The following CCNY variants were observed in gnomAD, a reference collection of about 807,000 sequenced individuals.
CCNY encodes cyclin-Y.
A neutral mutation model predicts 42.8 loss-of-function variants in CCNY; 19 were observed. The observed-to-expected ratio is 0.44, with a 90% CI of 0.31 to 0.65. The LOEUF (loss-of-function observed/expected upper bound fraction) is 0.65, where lower values mean the gene tolerates loss of function less well. CCNY is among the 30% of genes least tolerant of loss of function. The pLI is 0.07. For synonymous variants in CCNY, 165 were observed against 162.7 expected (o/e 1.01, Z -0.11); for missense variants, 370 against 437.3 (o/e 0.85, Z 1.37).
intron 1 of CCNY, among the ~76,000 whole-genome samples, chr10:35,412,532 T>C (rs1837929980): frequency 6.6e-6 from 1 of 151,876 alleles, no homozygotes; most frequent in Admixed American, 6.6e-5. Context: ...AGGGGGGACA[T>C]CCAGCCTAGC....
At position 35,282,173 on chromosome 10, in the gene CCNY, A is replaced by G. The variant is rs150849642; in HGVS notation, c.-9+31547A>G. Reference sequence around the variant, plus strand: ...GCTCACTCTGTCACCCAGGCTGGGAATGCAGTGGTGCAATCATAACTCACT... The same window carrying G: ...GCTCACTCTGTCACCCAGGCTGGGAGTGCAGTGGTGCAATCATAACTCACT... On this transcript the variant is annotated intron_variant, in intron 3 of 11. Coordinates refer to the CCNY transcript ENST00000374706. Among the ~76,000 whole-genome samples the G allele has an allele frequency of 8.2e-3, 1,144 of 140,052 alleles. 21 individuals are homozygous for G. Among genetic ancestry groups the G allele is most frequent in the African/African-American group, 0.03 (1,093 of 35,876 alleles). 91.9% of individuals were successfully genotyped at this position (140,052 alleles called of 152,430 possible). A position where few individuals can be genotyped will look rare whatever the true frequency, so the allele number is the denominator to read the frequency against.
chr10:35,402,389 C>T (rs1837663420), intron 1 of CCNY, among the ~76,000 whole-genome samples: 1 of 152,098 alleles, frequency 6.6e-6, no homozygotes, highest in South Asian at 2.1e-4. Context: ...AGAAAGTGTC[C>T]AAAGGGGTTC....
At chr10:35,475,431 G>C (rs1839485943) in intron 1 of CCNY, among the ~76,000 whole-genome samples, 1 of 151,460 alleles carries the variant, frequency 6.6e-6, no homozygotes, top group South Asian at 2.1e-4. Context: ...CAGACTAACA[G>C]CGGATCTCTC....
intron 1 of CCNY, among the ~76,000 whole-genome samples, chr10:35,476,992 G>C (rs1839527213): frequency 6.6e-6 from 1 of 152,150 alleles, no homozygotes; most frequent in Admixed American, 6.5e-5. Context: ...ACTACCATCA[G>C]AGAATACTAC....
chr10:35,457,623 C>T (rs1313052670), intron 1 of CCNY, among the ~76,000 whole-genome samples: 1 of 151,980 alleles, frequency 6.6e-6, no homozygotes, highest in African/African-American at 2.4e-5. Context: ...CTCTGTCGCC[C>T]AAGCTGGAGT....
intron 1 of CCNY, among the ~76,000 whole-genome samples, chr10:35,478,661 T>C (rs2135358598): frequency 6.6e-6 from 1 of 152,288 alleles, no homozygotes; most frequent in Admixed American, 6.5e-5. Flanking sequence ...AAGACTTAAA[T>C]GTGAGATCTA....
At chr10:35,381,623 T>C (rs545456380) in intron 1 of CCNY, among the ~76,000 whole-genome samples, 1 of 152,016 alleles carries the variant, frequency 6.6e-6, no homozygotes, top group Admixed American at 6.5e-5. Context: ...CTGACACTCC[T>C]GGTGTCAGAT....
intron 1 of CCNY, among the ~76,000 whole-genome samples, chr10:35,471,834 T>G (rs1839398069): frequency 6.6e-6 from 1 of 152,222 alleles, no homozygotes; most frequent in South Asian, 2.1e-4. Flanking sequence ...CTCAGGGGAT[T>G]CCATGACATT....
chr10:35,534,405 G>A (rs1193077793), intron 7 of CCNY, among the ~76,000 whole-genome samples: 2 of 152,160 alleles, frequency 1.3e-5, no homozygotes, highest in African/African-American at 2.4e-5. Context: ...AGCATTCCGT[G>A]TGAGGTTAGT....
At chr10:35,427,561 T>G (rs1838297170) in intron 1 of CCNY, among the ~76,000 whole-genome samples, 1 of 152,256 alleles carries the variant, frequency 6.6e-6, no homozygotes, top group African/African-American at 2.4e-5. Context: ...GACACCTAAG[T>G]GCTCCATAAA....
chr10:35,471,101 T>G (rs1339230218), intron 1 of CCNY, among the ~76,000 whole-genome samples: 1 of 152,154 alleles, frequency 6.6e-6, no homozygotes, highest in East Asian at 1.9e-4. Context: ...ATCTTGAAGT[T>G]CCAGAACCTA....
chr10:35,508,950 G>T (rs1840267529), intron 3 of CCNY, among the ~76,000 whole-genome samples: 1 of 152,052 alleles, frequency 6.6e-6, no homozygotes, highest in Non-Finnish European at 1.5e-5. Context: ...TTGTAGATTT[G>T]TCTATTTTGG....
Position 35,290,281 on chromosome 10 carries a change from G to A in CCNY, c.-9+39655G>A, listed in dbSNP as rs372011290. Among the ~76,000 whole-genome samples the A allele has an allele frequency of 1.6e-4, 22 of 141,816 alleles. No individual in the cohort carries two copies. In the East Asian group the frequency reaches 2.9e-3, roughly 18 times the overall value. 93.0% of individuals were successfully genotyped at this position (141,816 alleles called of 152,430 possible). A position where few individuals can be genotyped will look rare whatever the true frequency, so the allele number is the denominator to read the frequency against. ...ACACACACAAAATTAGCTGGGCATCGCGGTATGCGCCTGTAATCCCAGCTA... is the reference window on the plus strand; with the variant it reads ...ACACACACAAAATTAGCTGGGCATCACGGTATGCGCCTGTAATCCCAGCTA... On this transcript the variant is annotated intron_variant, in intron 3 of 11. Transcript: ENST00000374706.
Position 35,444,341 on chromosome 10 carries a change from G to A in CCNY, c.155-39063G>A, listed in dbSNP as rs573906999. ...TGGCTCACTGCAACCTCTGCCCCCCGGGTTCAAGCTATTCTCCTGCCTCAG... is the reference window on the plus strand; with the variant it reads ...TGGCTCACTGCAACCTCTGCCCCCCAGGTTCAAGCTATTCTCCTGCCTCAG... On this transcript the variant is annotated intron_variant, in intron 1 of 9. Transcript: ENST00000374704. Among the ~76,000 whole-genome samples the A allele has an allele frequency of 1.0e-4, 15 of 150,332 alleles. No individual in the cohort carries two copies. The East Asian group carries it at 2.0e-3, about 20-fold the overall frequency.
At chr10:35,480,091 A>C (rs1335156765) in intron 1 of CCNY, among the ~76,000 whole-genome samples, 1 of 152,032 alleles carries the variant, frequency 6.6e-6, no homozygotes, top group Non-Finnish European at 1.5e-5. Context: ...TATTCACCTC[A>C]TCCGTGAATT....
At chr10:35,473,262 G>T (rs542108768) in intron 1 of CCNY, among the ~76,000 whole-genome samples, 3 of 152,224 alleles carry the variant, frequency 2.0e-5, no homozygotes, top group African/African-American at 7.2e-5. Context: ...CACCTGCCTC[G>T]TGGCAGAGCT....
chr10:35,561,446 C>T lies in CCNY; in HGVS notation c.747-4577C>T, dbSNP rs184957740. ...TTTACAAAACTGGGCCCATACTGTACGCGTTGTTTTAAACTTTTTGCCATT... is the reference window on the plus strand; with the variant it reads ...TTTACAAAACTGGGCCCATACTGTATGCGTTGTTTTAAACTTTTTGCCATT... On this transcript the variant is annotated intron_variant, in intron 8 of 9. Transcript: ENST00000374704. Among the ~76,000 whole-genome samples the T allele has an allele frequency of 2.1e-3, 321 of 152,306 alleles. 1 individual carries two copies. The highest frequency in any genetic ancestry group is 3.6e-3 in the Non-Finnish European group (246 of 68,028).
At chr10:35,494,278 TAAAG>T (rs1839964685) in intron 2 of CCNY, among the ~76,000 whole-genome samples, 1 of 149,192 alleles carries the variant, frequency 6.7e-6, no homozygotes, top group African/African-American at 2.5e-5. Flanking sequence ...TTTTTTTTTT[TAAAG>T]AAAGAGTTGC....
At chr10:35,463,850 A>C (rs1012368905) in intron 1 of CCNY, among the ~76,000 whole-genome samples, 1 of 152,210 alleles carries the variant, frequency 6.6e-6, no homozygotes, top group African/African-American at 2.4e-5. Flanking sequence ...GGATTTGGGA[A>C]GTAAGTTTAT....
Sources: allele counts gnomAD v4.1 joint callset (sites outside exome capture counted in the v4.1 genomes callset), GRCh38; gene constraint gnomAD v4.1.1; transcripts MANE v1.5; gene names NCBI Gene and HGNC (gene_info 2026-07-23, HGNC 2026-07-21).